PTBP3: variants seen among roughly 807,000 people sequenced by gnomAD.
The protein encoded by PTBP3 is polypyrimidine tract-binding protein 3.
In PTBP3, 20 loss-of-function variants were observed where a neutral mutation model predicts 58.7. The observed-to-expected ratio is 0.34, with a 90% confidence interval of 0.24 to 0.50. The LOEUF (loss-of-function observed/expected upper bound fraction) is 0.50, where lower values mean the gene tolerates loss of function less well. Among genes scored for constraint, PTBP3 ranks in the 20% least tolerant of loss-of-function variants. The probability of loss-of-function intolerance (pLI) is 0.98; values close to 1 mark genes in which losing one functional copy is unlikely to be tolerated. For missense variants in PTBP3, 509 were observed against 637.2 expected (o/e 0.80, Z 2.17); for synonymous variants, 185 against 219.8 (o/e 0.84, Z 1.40).
chr9:112,333,193 C>A (rs1156471611), intron 1 of PTBP3, among the ~76,000 whole-genome samples: 1 of 152,198 alleles, frequency 6.6e-6, no homozygotes, highest in Non-Finnish European at 1.5e-5. Context: ...CCGGACCGGG[C>A]TTTCCTCTGC....
At chr9:112,225,201 C>T (rs922852087) in intron 12 of PTBP3, among the ~76,000 whole-genome samples, 11 of 152,172 alleles carry the variant, frequency 7.2e-5, no homozygotes, top group African/African-American at 2.4e-4. Flanking sequence ...CCAACAAGGA[C>T]AGTATAGCAG....
At position 112,300,981 on chromosome 9, in the gene PTBP3, C is replaced by T. The variant is rs1254477498; in HGVS notation, c.-51-3065G>A. Among the ~76,000 whole-genome samples, 23 of 64,900 alleles carry T rather than the reference C, an allele frequency of 3.5e-4. No individual in the cohort carries two copies. The Admixed American group carries it at 4.1e-3, about 12-fold the overall frequency. The allele number at this position is 64,900 out of a possible 152,430, so 42.6% of individuals were successfully genotyped here. Reference sequence around the variant, plus strand: ...AAATGGATTATCAAAACCAAAAGCACGAATGGCAATAAATAAATAAATAAA... The same window carrying T: ...AAATGGATTATCAAAACCAAAAGCATGAATGGCAATAAATAAATAAATAAA... On this transcript the variant is annotated intron_variant, in intron 1 of 13. Transcript: ENST00000374257.
chr9:112,230,397 C>T (rs1835155660), intron 10 of PTBP3, among the ~76,000 whole-genome samples: 1 of 152,114 alleles, frequency 6.6e-6, no homozygotes, highest in Non-Finnish European at 1.5e-5. Context: ...TGAAGCATAT[C>T]AGTGAGTTTT....
intron 12 of PTBP3, 37 bp from the exon 13 acceptor site, chr9:112,224,247 G>T (rs368978125): frequency 3.2e-5 from 41 of 1,274,028 alleles, no homozygotes; most frequent in Non-Finnish European, 4.3e-5. Flanking sequence ...TACCTGGGCC[G>T]CATTCTCAAG....
intron 1 of PTBP3, among the ~76,000 whole-genome samples, chr9:112,321,436 G>A (rs754270394): frequency 1.3e-5 from 2 of 151,706 alleles, no homozygotes; most frequent in African/African-American, 2.4e-5. Context: ...GGCTGAGGCA[G>A]GAGAATCGAT....
chr9:112,344,104 A>G, the PTBP3 span, among the ~76,000 whole-genome samples: 46 of 152,228 alleles, frequency 3.0e-4, no homozygotes, highest in African/African-American at 1.1e-3. Flanking sequence ...TTTTAATTTT[A>G]AAAGGTAAAA....
At chr9:112,339,589 A>C in the PTBP3 span, among the ~76,000 whole-genome samples, 890 of 147,250 alleles carry the variant, frequency 6.0e-3, 9 homozygotes, top group African/African-American at 0.021. Flanking sequence ...CTTTTGAGAC[A>C]GTCTCACTCT....
At chr9:112,254,251 G>A (rs1320923964) in intron 5 of PTBP3, among the ~76,000 whole-genome samples, 1 of 152,144 alleles carries the variant, frequency 6.6e-6, no homozygotes, top group African/African-American at 2.4e-5. Flanking sequence ...CTTCCGAAGT[G>A]CTGGGATTAC....
At chr9:112,260,895 A>T (rs910114999) in intron 5 of PTBP3, among the ~76,000 whole-genome samples, 3 of 152,330 alleles carry the variant, frequency 2.0e-5, no homozygotes, top group Admixed American at 6.5e-5. Context: ...GGTCACCATG[A>T]TCTCTTGAGG....
At chr9:112,299,487 A>G (rs1828823768) in intron 1 of PTBP3, among the ~76,000 whole-genome samples, 1 of 152,236 alleles carries the variant, frequency 6.6e-6, no homozygotes, top group Non-Finnish European at 1.5e-5. Flanking sequence ...GTTTATATCC[A>G]GCACGTACTA....
chr9:112,306,342 A>G (rs952751977), intron 1 of PTBP3, among the ~76,000 whole-genome samples: 4 of 148,292 alleles, frequency 2.7e-5, no homozygotes, highest in Non-Finnish European at 6.0e-5. Context: ...TTTTTGTATT[A>G]TTTTGTAGAG....
chr9:112,246,335 A>T (rs1443558368), intron 7 of PTBP3, among the ~76,000 whole-genome samples: 1 of 152,162 alleles, frequency 6.6e-6, no homozygotes, highest in Admixed American at 6.5e-5. Context: ...AGAAGAAATG[A>T]TGGAATTAGC....
chr9:112,329,845 C>CT (rs10660630), intron 1 of PTBP3, among the ~76,000 whole-genome samples: 1,951 of 131,956 alleles, frequency 0.015, 57 homozygotes, highest in African/African-American at 0.038. Flanking sequence ...CTAGGCTACA[C>CT]TTTTTTTTTT....
intron 1 of PTBP3, among the ~76,000 whole-genome samples, chr9:112,309,769 CAG>C (rs1379764125): frequency 6.9e-6 from 1 of 144,954 alleles, no homozygotes; most frequent in African/African-American, 2.5e-5. Context: ...GCCTGGGCGA[CAG>C]AGAGAGACTC....
At chr9:112,364,121 G>A in the PTBP3 span, among the ~76,000 whole-genome samples, 5 of 143,326 alleles carry the variant, frequency 3.5e-5, no homozygotes, top group East Asian at 2.0e-4. Flanking sequence ...GGCTTCTTTC[G>A]CTTAGTAATA....
chr9:112,275,941 C>T lies in PTBP3; in HGVS notation c.107G>A (p.Arg36Gln). The T allele has an allele frequency of 6.2e-7, 1 of 1,613,622 alleles. No individual in the cohort carries two copies. Among genetic ancestry groups the T allele is most frequent in the Non-Finnish European group, 8.5e-7 (1 of 1,179,646 alleles). Residue 36 changes from arginine (R) to glutamine (Q), a missense_variant, in exon 3 of 14, where the codon CGA becomes CAA. Arg to Gln is a conservative substitution (Grantham distance 43). Coordinates refer to ENST00000374257, the MANE Select transcript of PTBP3 (RefSeq NM_001163788.4). The part of the protein sequence containing the change: ...PCSPSRVLHL[R>Q]KIPCDVTEAE... ...TTCGGTGACATCACATGGAATTTTT[C>T]GAAGATGGAGAACACGGGAAGGCGA...
chr9:112,232,640 T>A (rs1397114602), intron 8 of PTBP3, among the ~76,000 whole-genome samples: 1 of 152,192 alleles, frequency 6.6e-6, no homozygotes, highest in Non-Finnish European at 1.5e-5. Context: ...TTTTTTAAAG[T>A]CCTTCAGCAG....
chr9:112,311,216 C>T (rs547687763), intron 1 of PTBP3, among the ~76,000 whole-genome samples: 6 of 151,324 alleles, frequency 4.0e-5, no homozygotes, highest in African/African-American at 9.7e-5. Flanking sequence ...TTTTAATATA[C>T]GATTGGCCCA....
At position 112,252,768 on chromosome 9, in the gene PTBP3, T is replaced by C. The variant is rs758584219; in HGVS notation, c.537A>G (p.Thr179=). Residue 179 remains threonine (T), a synonymous_variant, in exon 6 of 14, where the codon ACA becomes ACG. Coordinates refer to ENST00000374257, the MANE Select transcript of PTBP3 (RefSeq NM_001163788.4). ...VLHQIFSKFG[T]VLKIITFTKN... ...TTGTAAAGGTGATAATCTTCAAGAC[T>C]GTGCCAAATTTAGAAAATATCTGGA... 3 of 1,606,616 alleles carry C rather than the reference T, an allele frequency of 1.9e-6. No individual in the cohort carries two copies. Among genetic ancestry groups the C allele is most frequent in the East Asian group, 4.5e-5 (2 of 44,790 alleles).
Sources: gnomAD v4.1 joint callset for allele counts (sites outside exome capture counted in the v4.1 genomes callset) on GRCh38, gnomAD v4.1.1 for gene constraint, MANE v1.5 for transcripts, NCBI Gene and HGNC (gene_info 2026-07-23, HGNC 2026-07-21) for gene names.